Variants in ZKSCAN1 observed in about 807,000 individuals in gnomAD.
ZKSCAN1 encodes zinc finger protein with KRAB and SCAN domains 1.
A neutral mutation model predicts 51.6 loss-of-function variants in ZKSCAN1; 14 were observed. The ratio of observed to expected loss-of-function variants is 0.27; its 90% CI spans 0.18 to 0.42. The LOEUF (loss-of-function observed/expected upper bound fraction) is 0.42, where lower values mean the gene tolerates loss of function less well. Ranked by LOEUF, ZKSCAN1 falls within the 10% of genes least tolerant of loss-of-function variation. The pLI, the probability that ZKSCAN1 is intolerant of heterozygous loss-of-function variation, is 1.00. For synonymous variants in ZKSCAN1, 263 were observed against 261.5 expected, an observed-to-expected ratio of 1.01 and a Z score of -0.06; for missense variants, 531 against 710.0, an observed-to-expected ratio of 0.75 and a Z score of 2.86.
In ZKSCAN1 at chr7:100,041,666, A is replaced by G. The variant is rs1034260553; in HGVS notation, c.*7469A>G. ...TTCTCTTCTGAGTCATGGTAAAACAATAAATTATCATCTCTAGGTGGCAGT... is the reference window on the plus strand; with the variant it reads ...TTCTCTTCTGAGTCATGGTAAAACAGTAAATTATCATCTCTAGGTGGCAGT... On this transcript the variant is annotated 3_prime_UTR_variant, in exon 6 of 6. Coordinates refer to ENST00000324306, the MANE Select transcript of ZKSCAN1 (RefSeq NM_003439.4). The G allele has an allele frequency of 3.0e-6, 3 of 985,420 alleles. No individual in the cohort carries two copies. Among genetic ancestry groups the G allele is most frequent in the Non-Finnish European group, 2.4e-6 (2 of 829,938 alleles). The allele number at this position is 985,420 out of a possible 1,614,324, so 61.0% of individuals were successfully genotyped here. A position where few individuals can be genotyped will look rare whatever the true frequency, so the allele number is the denominator to read the frequency against.
At chr7:100,021,174 GCAATGGCGTGATCT>G (rs1390556571) in intron 1 of ZKSCAN1, among the ~76,000 whole-genome samples, 2 of 131,888 alleles carry the variant, frequency 1.5e-5, no homozygotes, top group Non-Finnish European at 3.1e-5. Flanking sequence ...AGGCTGGAGT[GCAATGGCGTGATCT>G]CAGTTCACTG....
intron 1 of ZKSCAN1, among the ~76,000 whole-genome samples, chr7:100,017,926 G>A (rs1338066503): frequency 6.6e-6 from 1 of 152,194 alleles, no homozygotes; most frequent in African/African-American, 2.4e-5. Context: ...CTGAAAATTG[G>A]AATGTACAGT....
chr7:100,037,546 A>G lies in ZKSCAN1; in HGVS notation c.*3349A>G. On this transcript the variant is annotated 3_prime_UTR_variant, in exon 6 of 6. Coordinates refer to ENST00000324306, the MANE Select transcript of ZKSCAN1 (RefSeq NM_003439.4). ...AAGGAGCCTCCTGAATGTGATGAAT[A>G]CGGCAAAGCCTTTAATCACATCTCA... 11 of 985,500 alleles carry G rather than the reference A, an allele frequency of 1.1e-5. No individual in the cohort carries two copies. The highest frequency in any genetic ancestry group is 1.3e-5 in the Non-Finnish European group (11 of 829,948). 61.0% of individuals were successfully genotyped at this position (985,500 alleles called of 1,614,324 possible). A position where few individuals can be genotyped will look rare whatever the true frequency, so the allele number is the denominator to read the frequency against.
At chr7:100,030,093 C>G in intron 4 of ZKSCAN1, 141 bp downstream of exon 4, 2 of 1,387,994 alleles carry the variant, frequency 1.4e-6, no homozygotes, top group Non-Finnish European at 2.0e-6. Context: ...TAGCATCTTT[C>G]TACCACAAAC....
rs1326584552 is a variant in ZKSCAN1 at position 100,038,948 on chromosome 7, T to G, written c.*4751T>G. The G allele has an allele frequency of 6.6e-6, 1 of 152,184 alleles. No individual in the cohort carries two copies. Among genetic ancestry groups the G allele is most frequent in the Admixed American group, 7.1e-5 (1 of 14,180 alleles). 9.4% of individuals were successfully genotyped at this position (152,184 alleles called of 1,614,324 possible). On this transcript the variant is annotated 3_prime_UTR_variant, in exon 6 of 6. Transcript: ENST00000324306. ...AGGCGGAGGTTGCAGTGAGCCAAGATGGCGCCACTGCACTCCAGCCTGGGT... is the reference window on the plus strand; with the variant it reads ...AGGCGGAGGTTGCAGTGAGCCAAGAGGGCGCCACTGCACTCCAGCCTGGGT...
At chr7:100,032,790 C>G (rs1162173952) in intron 5 of ZKSCAN1, among the ~76,000 whole-genome samples, 2 of 151,928 alleles carry the variant, frequency 1.3e-5, no homozygotes, top group Non-Finnish European at 2.9e-5. Flanking sequence ...GGGTGGATCA[C>G]GAGGTCAGGA....
chr7:100,018,932 C>G (rs1790485705), intron 1 of ZKSCAN1, among the ~76,000 whole-genome samples: 1 of 152,226 alleles, frequency 6.6e-6, no homozygotes, highest in Non-Finnish European at 1.5e-5. Context: ...GGACTCATTT[C>G]CTCCTTAGAG....
intron 1 of ZKSCAN1, among the ~76,000 whole-genome samples, chr7:100,015,947 G>T (rs533605299): frequency 6.6e-6 from 1 of 152,200 alleles, no homozygotes; most frequent in African/African-American, 2.4e-5. Context: ...CGGGGAGGGG[G>T]CGAGGGTTTC....
chr7:100,037,938 T>A lies in ZKSCAN1; in HGVS notation c.*3741T>A. ...GGGAGGCTGAGGCAGGAGAATGGCT[T>A]GAACCTGCGAGGCGGAGGTTGCAGT... On this transcript the variant is annotated 3_prime_UTR_variant, in exon 6 of 6. Transcript: ENST00000324306. 2 of 856,776 alleles carry A rather than the reference T, an allele frequency of 2.3e-6. No homozygotes were observed. The highest frequency in any genetic ancestry group is 2.8e-6 in the Non-Finnish European group (2 of 713,014). The allele number at this position is 856,776 out of a possible 1,614,324, so 53.1% of individuals were successfully genotyped here.
chr7:100,044,475 G>A (rs1426403463), downstream of ZKSCAN1, among the ~76,000 whole-genome samples: 4 of 151,714 alleles, frequency 2.6e-5, no homozygotes, highest in African/African-American at 9.7e-5. Flanking sequence ...AGACCATCCT[G>A]GCTAACACGG....
chr7:100,035,882 T>A lies in ZKSCAN1; in HGVS notation c.*1685T>A. 1 of 985,382 alleles carries A rather than the reference T, an allele frequency of 1.0e-6. No individual in the cohort carries two copies. The highest frequency in any genetic ancestry group is 1.2e-6 in the Non-Finnish European group (1 of 829,924). The allele number at this position is 985,382 out of a possible 1,614,324, so 61.0% of individuals were successfully genotyped here. A position where few individuals can be genotyped will look rare whatever the true frequency, so the allele number is the denominator to read the frequency against. On this transcript the variant is annotated 3_prime_UTR_variant, in exon 6 of 6. Coordinates refer to ENST00000324306, the MANE Select transcript of ZKSCAN1 (RefSeq NM_003439.4). ...GAGCTGTGTAAGTAGTCATCGCCAC[T>A]CAAGTAGGACAAGGGTCCTACCCAA...
At position 100,036,142 on chromosome 7, in the gene ZKSCAN1, CT is replaced by C; in HGVS notation, c.*1948del. 2.0e-6 allele frequency: 2 copies of C among 985,366 alleles called. No individual in the cohort carries two copies. The highest frequency in any genetic ancestry group is 2.4e-6 in the Non-Finnish European group (2 of 829,898). The allele number at this position is 985,366 out of a possible 1,614,324, so 61.0% of individuals were successfully genotyped here. A position where few individuals can be genotyped will look rare whatever the true frequency, so the allele number is the denominator to read the frequency against. On this transcript the variant is annotated 3_prime_UTR_variant, in exon 6 of 6. Transcript: ENST00000324306. ...GAGCTAAAACTGCACAGTGGTCATT[CT>C]TTGGCCTCTCCTTGGCTTTATGACT...
downstream of ZKSCAN1, among the ~76,000 whole-genome samples, chr7:100,042,800 T>G (rs1178537099): frequency 1.7e-4 from 25 of 148,440 alleles, no homozygotes; most frequent in South Asian, 2.8e-3. Context: ...TTTTTGGGTT[T>G]TTTTTTTTTT....
rs867747345 is a variant in ZKSCAN1 at position 100,040,982 on chromosome 7, G to A, written c.*6785G>A. 1 of 985,232 alleles carries A rather than the reference G, an allele frequency of 1.0e-6. No individual in the cohort carries two copies. Among genetic ancestry groups the A allele is most frequent in the African/African-American group, 1.7e-5 (1 of 57,202 alleles). 61.0% of individuals were successfully genotyped at this position (985,232 alleles called of 1,614,324 possible). ...AAAAATATATGAGTTTGGGGGTAAG[G>A]GGTGGGATAGCCAAGCAAAATCAGT... is the stretch of plus-strand genomic sequence containing the variant. On this transcript the variant is annotated 3_prime_UTR_variant, in exon 6 of 6. Transcript: ENST00000324306.
rs1325955890 is a variant in ZKSCAN1, at chr7:100,041,314, A to G, written c.*7117A>G. ...GAGTCCAGATGCTTGGTAGATGTTC[A>G]ATACGTGATTTTTTTTTTAATTGAA... On this transcript the variant is annotated 3_prime_UTR_variant, in exon 6 of 6. Coordinates refer to ENST00000324306, the MANE Select transcript of ZKSCAN1 (RefSeq NM_003439.4). The G allele has an allele frequency of 4.1e-6, 4 of 985,010 alleles. No homozygotes were observed. Among genetic ancestry groups the G allele is most frequent in the Non-Finnish European group, 4.8e-6 (4 of 829,686 alleles). 61.0% of individuals were successfully genotyped at this position (985,010 alleles called of 1,614,324 possible). A position where few individuals can be genotyped will look rare whatever the true frequency, so the allele number is the denominator to read the frequency against.
intron 5 of ZKSCAN1, among the ~76,000 whole-genome samples, chr7:100,031,535 T>G (rs1791106763): frequency 6.6e-6 from 1 of 152,162 alleles, no homozygotes; most frequent in Admixed American, 6.6e-5. Flanking sequence ...TGTCTCCACT[T>G]CCTGGAGTTC....
chr7:100,030,049 C>G lies in ZKSCAN1; in HGVS notation c.672+97C>G, dbSNP rs1051702925. ...CCACAGGCCACTCTGGATGCCCCTG[C>G]TCTCAAAGAAGCCCCAACCCTGTCC... On this transcript the variant is annotated intron_variant, in intron 4 of 5. Transcript: ENST00000324306. The G allele has an allele frequency of 3.4e-6, 5 of 1,458,530 alleles. No individual in the cohort carries two copies. In the African/African-American group the frequency reaches 7.0e-5, roughly 20 times the overall value. The allele number at this position is 1,458,530 out of a possible 1,614,324, so 90.3% of individuals were successfully genotyped here. A position where few individuals can be genotyped will look rare whatever the true frequency, so the allele number is the denominator to read the frequency against.
intron 3 of ZKSCAN1, 64 bp downstream of exon 3, chr7:100,024,371 G>A: frequency 6.4e-7 from 1 of 1,564,236 alleles, no homozygotes; most frequent in Non-Finnish European, 8.7e-7. Flanking sequence ...TTGTGCTGCT[G>A]AGTGCCTGTG....
In ZKSCAN1 at chr7:100,036,535, TG is replaced by T. The variant is rs1404984834; in HGVS notation, c.*2340del. ...AGTTTTGAGACCAGCCTGGCCAACATGGTAAAATCCCGTCTCTACTAAAATT... is the reference window on the plus strand; with the variant it reads ...AGTTTTGAGACCAGCCTGGCCAACATGTAAAATCCCGTCTCTACTAAAATT... On this transcript the variant is annotated 3_prime_UTR_variant, in exon 6 of 6. Transcript: ENST00000324306. 3 of 847,126 alleles carry T rather than the reference TG, an allele frequency of 3.5e-6. No homozygotes were observed. In the East Asian group the frequency reaches 3.7e-4, roughly 105 times the overall value. 52.5% of individuals were successfully genotyped at this position (847,126 alleles called of 1,614,324 possible).
Sources: allele counts gnomAD v4.1 joint callset (sites outside exome capture counted in the v4.1 genomes callset), GRCh38; gene constraint gnomAD v4.1.1; transcripts MANE v1.5; gene names NCBI Gene and HGNC (gene_info 2026-07-23, HGNC 2026-07-21).